Variants in CHRNA7 observed in about 807,000 individuals in gnomAD.
The protein encoded by CHRNA7 is cholinergic receptor nicotinic alpha 7 subunit.
In CHRNA7, 17 loss-of-function variants were observed where a neutral mutation model predicts 48.0. That is an observed-to-expected ratio of 0.35 (90% CI 0.24 to 0.53). The LOEUF is 0.53. CHRNA7 is among the 20% of genes least tolerant of loss of function. CHRNA7 has a pLI of 0.92. For synonymous variants in CHRNA7, 75 were observed against 242.3 expected, an observed-to-expected ratio of 0.31 and a Z score of 6.41; for missense variants, 155 against 577.7, an observed-to-expected ratio of 0.27 and a Z score of 7.50.
At chr15:32,071,477 G>A (rs879577151) in intron 2 of CHRNA7, among the ~76,000 whole-genome samples, 6 of 152,106 alleles carry the variant, frequency 3.9e-5, no homozygotes, top group African/African-American at 7.2e-5. Context: ...TACACACTTC[G>A]TTAGATTTAC....
chr15:32,147,247 T>C (rs1403022766), intron 4 of CHRNA7, among the ~76,000 whole-genome samples: 16 of 152,084 alleles, frequency 1.1e-4, no homozygotes, highest in Non-Finnish European at 2.9e-5. Flanking sequence ...GAGACTACTG[T>C]AGGGGGAAAG....
At chr15:32,069,148 A>G (rs1416491703) in intron 2 of CHRNA7, among the ~76,000 whole-genome samples, 1 of 152,216 alleles carries the variant, frequency 6.6e-6, no homozygotes, top group Non-Finnish European at 1.5e-5. Flanking sequence ...AGACACATCT[A>G]TAGGACACTC....
At chr15:32,090,080 G>C (rs182670588) in intron 2 of CHRNA7, among the ~76,000 whole-genome samples, 4 of 152,188 alleles carry the variant, frequency 2.6e-5, no homozygotes, top group Non-Finnish European at 5.9e-5. Flanking sequence ...TTACATGGTA[G>C]CATTGTAGTA....
intron 2 of CHRNA7, among the ~76,000 whole-genome samples, chr15:32,051,652 C>G (rs1246930684): frequency 6.6e-6 from 1 of 152,164 alleles, no homozygotes; most frequent in Non-Finnish European, 1.5e-5. Flanking sequence ...GTGCGCTGCA[C>G]CGACTGTGCT....
intron 4 of CHRNA7, among the ~76,000 whole-genome samples, chr15:32,137,909 G>T (rs551874092): frequency 1.3e-5 from 2 of 152,322 alleles, no homozygotes; most frequent in African/African-American, 4.8e-5. Context: ...CTGAAAACCT[G>T]TGTTCACACA....
At chr15:32,076,477 G>T (rs752853423) in intron 2 of CHRNA7, among the ~76,000 whole-genome samples, 1 of 152,090 alleles carries the variant, frequency 6.6e-6, no homozygotes, top group African/African-American at 2.4e-5. Flanking sequence ...GGCCACAACA[G>T]ATTTATTTAG....
chr15:32,057,586 T>A (rs2049807931), intron 2 of CHRNA7, among the ~76,000 whole-genome samples: 1 of 152,244 alleles, frequency 6.6e-6, no homozygotes, highest in Non-Finnish European at 1.5e-5. Flanking sequence ...AAAAACATTC[T>A]TTTTAAAAAC....
chr15:32,039,676 A>G (rs984909421), intron 2 of CHRNA7, among the ~76,000 whole-genome samples: 1 of 152,112 alleles, frequency 6.6e-6, no homozygotes, highest in Non-Finnish European at 1.5e-5. Context: ...CTGTGGCACA[A>G]TTATGGGGAA....
intron 2 of CHRNA7, among the ~76,000 whole-genome samples, chr15:32,088,041 A>G (rs1220111598): frequency 6.6e-6 from 1 of 152,188 alleles, no homozygotes; most frequent in Non-Finnish European, 1.5e-5. Flanking sequence ...TGTATTCACC[A>G]TTACAATATG....
intron 2 of CHRNA7, among the ~76,000 whole-genome samples, chr15:32,049,761 G>C (rs1336990128): frequency 6.6e-6 from 1 of 152,136 alleles, no homozygotes; most frequent in Non-Finnish European, 1.5e-5. Flanking sequence ...TTACATTTTG[G>C]CATGATTTTG....
At chr15:32,138,265 A>C (rs1228949110) in intron 4 of CHRNA7, among the ~76,000 whole-genome samples, 2 of 152,194 alleles carry the variant, frequency 1.3e-5, no homozygotes, top group African/African-American at 2.4e-5. Context: ...ATACTTAAAA[A>C]TAGAATATTG....
intron 2 of CHRNA7, among the ~76,000 whole-genome samples, chr15:32,070,065 A>G (rs1203133336): frequency 6.6e-6 from 1 of 152,254 alleles, no homozygotes; most frequent in Non-Finnish European, 1.5e-5. Flanking sequence ...TTTTTAAAAA[A>G]TAAGCCAGCT....
At chr15:32,059,717 T>C (rs1566810509) in intron 2 of CHRNA7, among the ~76,000 whole-genome samples, 1 of 151,946 alleles carries the variant, frequency 6.6e-6, no homozygotes, top group African/African-American at 2.4e-5. Flanking sequence ...AGTACAGATA[T>C]AGAGAAATGA....
At chr15:32,152,046 T>C (rs2051640639) in intron 4 of CHRNA7, among the ~76,000 whole-genome samples, 1 of 152,206 alleles carries the variant, frequency 6.6e-6, no homozygotes, top group African/African-American at 2.4e-5. Context: ...CCAGTAGGGC[T>C]GTGTTTTAAG....
intron 2 of CHRNA7, among the ~76,000 whole-genome samples, chr15:32,074,348 G>A (rs913530523): frequency 2.1e-5 from 3 of 144,868 alleles, no homozygotes; most frequent in Non-Finnish European, 4.6e-5. Flanking sequence ...ACTTCTAACA[G>A]TATAACATAA....
intron 4 of CHRNA7, among the ~76,000 whole-genome samples, chr15:32,136,082 G>A (rs933961281): frequency 5.3e-5 from 8 of 152,160 alleles, no homozygotes; most frequent in Admixed American, 1.3e-4. Flanking sequence ...AAAACTACCA[G>A]AAGACGTTTA....
At position 32,091,764 on chromosome 15, in the gene CHRNA7, C is replaced by T. The variant is rs76770135; in HGVS notation, c.196-9539C>T. On this transcript the variant is annotated intron_variant, in intron 2 of 9. Coordinates refer to ENST00000306901, the MANE Select transcript of CHRNA7 (RefSeq NM_000746.6). ...CTGGCCACTGGTCTCCATACTCCTG[C>T]ACTCTGCTATGGTGTCAGCTCACGT... Among the ~76,000 whole-genome samples, 1,031 of 152,324 alleles carry T rather than the reference C, an allele frequency of 6.8e-3. 19 individuals carry two copies. The highest frequency in any genetic ancestry group is 0.063 in the East Asian group (325 of 5,184).
intron 2 of CHRNA7, among the ~76,000 whole-genome samples, chr15:32,045,565 C>A (rs1357882026): frequency 2.6e-5 from 4 of 151,004 alleles, no homozygotes; most frequent in Non-Finnish European, 5.9e-5. Context: ...GAGACAGAGT[C>A]TCACTTTGTC....
chr15:32,109,682 T>C (rs2050730137), intron 3 of CHRNA7, among the ~76,000 whole-genome samples: 1 of 152,182 alleles, frequency 6.6e-6, no homozygotes, highest in Non-Finnish European at 1.5e-5. Context: ...AGTGACTGAC[T>C]AAAACATCCT....
Sources: allele counts gnomAD v4.1 joint callset (sites outside exome capture counted in the v4.1 genomes callset), GRCh38; gene constraint gnomAD v4.1.1; transcripts MANE v1.5; gene names NCBI Gene and HGNC (gene_info 2026-07-23, HGNC 2026-07-21).